LCOR: variants seen among roughly 807,000 people sequenced by gnomAD.
The protein encoded by LCOR is ligand dependent nuclear receptor corepressor.
In LCOR, 14 loss-of-function variants were observed where a neutral mutation model predicts 64.4. The ratio of observed to expected loss-of-function variants is 0.22; its 90% CI spans 0.14 to 0.34. LCOR has a LOEUF of 0.34. Among genes scored for constraint, LCOR ranks in the 10% least tolerant of loss-of-function variants. The pLI is 1.00. For synonymous variants in LCOR, 643 were observed against 642.5 expected, an observed-to-expected ratio of 1.00 and a Z score of -0.01; for missense variants, 1,686 against 1,765.3, an observed-to-expected ratio of 0.96 and a Z score of 0.80.
intron 2 of LCOR, among the ~76,000 whole-genome samples, chr10:96,866,649 C>T (rs1293701996): frequency 2.6e-5 from 4 of 152,152 alleles, no homozygotes; most frequent in East Asian, 1.9e-4. Flanking sequence ...GGCCCGATTT[C>T]GGCTCACTGC....
At chr10:96,873,567 CACACGTGTGTGTGTGTGTGTGTGTGT>C (rs1846108567) in intron 2 of LCOR, among the ~76,000 whole-genome samples, 1 of 118,402 alleles carries the variant, frequency 8.4e-6, no homozygotes, top group Non-Finnish European at 1.8e-5. Context: ...TACACACACA[CACACGTGTGTGTGTGTGTGTGTGTGT>C]GTGTGTGTGT....
At position 96,840,711 on chromosome 10, in the gene LCOR, G is replaced by GAGC. The variant is rs538483787; in HGVS notation, c.-330+7233_-330+7234insGCA. 1.8e-4 allele frequency among the ~76,000 whole-genome samples: 27 copies of GAGC among 152,278 alleles called. No individual in the cohort carries two copies. In the South Asian group the frequency reaches 2.7e-3, roughly 15 times the overall value. On this transcript the variant is annotated intron_variant, in intron 2 of 7. Coordinates refer to ENST00000421806, the MANE Select transcript of LCOR (RefSeq NM_001346516.2). ...ACCTGTCTAAAGGGACTTTTCTTTA[G>GAGC]ACTTTAAATGTTTTCTAGAGCTTAA...
chr10:96,889,539 C>G (rs12268216), intron 2 of LCOR, among the ~76,000 whole-genome samples: 1 of 152,062 alleles, frequency 6.6e-6, no homozygotes, highest in Admixed American at 6.6e-5. Flanking sequence ...CAAGTGATCT[C>G]GAGCGTGTGT....
intron 4 of LCOR, among the ~76,000 whole-genome samples, chr10:96,909,529 C>T (rs1846792408): frequency 6.6e-6 from 1 of 152,186 alleles, no homozygotes; most frequent in African/African-American, 2.4e-5. Flanking sequence ...TTGTTCCTTA[C>T]TACATTGTCA....
At chr10:96,894,172 A>G (rs576650399) in intron 2 of LCOR, among the ~76,000 whole-genome samples, 3 of 152,110 alleles carry the variant, frequency 2.0e-5, no homozygotes, top group South Asian at 4.2e-4. Flanking sequence ...GCTCACTGCA[A>G]CCTCCGCCTC....
rs569906236 is a variant in LCOR, at chr10:96,885,421, TC to T, written c.-329-21841del. Among the ~76,000 whole-genome samples, 66 of 152,160 alleles carry T rather than the reference TC, an allele frequency of 4.3e-4. No homozygotes were observed. In the South Asian group the frequency reaches 0.013, roughly 31 times the overall value. The stretch of plus-strand genomic sequence containing the variant: ...TTTTGAGACAGGCTTTCACTCTGTT[TC>T]CCAGGCTGGAGTGCAGTGGCATGAT... On this transcript the variant is annotated intron_variant, in intron 2 of 7. Transcript: ENST00000421806.
intron 4 of LCOR, among the ~76,000 whole-genome samples, chr10:96,932,668 T>G (rs1847282627): frequency 6.6e-6 from 1 of 152,074 alleles, no homozygotes; most frequent in African/African-American, 2.4e-5. Flanking sequence ...TTCACCATAT[T>G]GGCCAGGATG....
At chr10:96,849,032 CAG>C (rs1185566756) in intron 2 of LCOR, among the ~76,000 whole-genome samples, 2 of 79,104 alleles carry the variant, frequency 2.5e-5, no homozygotes, top group African/African-American at 4.0e-5. Flanking sequence ...TTTTTTGAGA[CAG>C]ATCCTCTCTG....
chr10:96,874,978 AT>A (rs1449798650), intron 2 of LCOR, among the ~76,000 whole-genome samples: 3 of 151,950 alleles, frequency 2.0e-5, no homozygotes, highest in Non-Finnish European at 4.4e-5. Flanking sequence ...ATTCTTTGAG[AT>A]TCCATCCAGA....
chr10:96,858,687 A>G (rs1300165481), intron 2 of LCOR, among the ~76,000 whole-genome samples: 2 of 152,132 alleles, frequency 1.3e-5, no homozygotes, highest in Non-Finnish European at 2.9e-5. Context: ...GGGAGGGGAA[A>G]ACTTTATGAA....
At chr10:96,903,634 A>G (rs1486526836) in intron 2 of LCOR, among the ~76,000 whole-genome samples, 1 of 152,196 alleles carries the variant, frequency 6.6e-6, no homozygotes, top group Non-Finnish European at 1.5e-5. Context: ...AGAACAGGCT[A>G]TATTGCTGAC....
At chr10:96,846,928 A>AGG (rs1322381773) in intron 2 of LCOR, among the ~76,000 whole-genome samples, 2 of 152,140 alleles carry the variant, frequency 1.3e-5, no homozygotes, top group Admixed American at 1.3e-4. Context: ...TGAAAGGTAA[A>AGG]GGTATGTAAG....
intron 4 of LCOR, among the ~76,000 whole-genome samples, chr10:96,914,025 T>G (rs898252429): frequency 6.6e-5 from 10 of 152,098 alleles, no homozygotes; most frequent in African/African-American, 2.4e-4. Context: ...AAGTAACCAG[T>G]GATATGGTTG....
At chr10:96,834,275 T>A (rs1371723423) in intron 2 of LCOR, among the ~76,000 whole-genome samples, 1 of 152,214 alleles carries the variant, frequency 6.6e-6, no homozygotes, top group African/African-American at 2.4e-5. Flanking sequence ...TTCAAACATA[T>A]GCTTGTGCAA....
intron 2 of LCOR, among the ~76,000 whole-genome samples, chr10:96,866,895 G>A (rs1845983697): frequency 6.6e-6 from 1 of 152,104 alleles, no homozygotes; most frequent in Non-Finnish European, 1.5e-5. Flanking sequence ...TCTTGAAAGA[G>A]GTTGTGCCAC....
rs191011014 is a variant in LCOR, at chr10:96,970,392, G to A, written c.333-10401G>A. 4.2e-3 allele frequency among the ~76,000 whole-genome samples: 635 copies of A among 151,850 alleles called. 6 individuals are homozygous for A. The highest frequency in any genetic ancestry group is 0.014 in the Middle Eastern group (4 of 294). ...AGCTTGGGCTACAGACTGAGACGCCGTCTCAAAAAATAAATAAATAAGAGT... is the reference window on the plus strand; with the variant it reads ...AGCTTGGGCTACAGACTGAGACGCCATCTCAAAAAATAAATAAATAAGAGT... On this transcript the variant is annotated intron_variant, in intron 7 of 7. Coordinates refer to ENST00000421806, the MANE Select transcript of LCOR (RefSeq NM_001346516.2).
chr10:96,856,461 C>A (rs1419875189), intron 2 of LCOR, among the ~76,000 whole-genome samples: 1 of 151,538 alleles, frequency 6.6e-6, no homozygotes, highest in Admixed American at 6.6e-5. Context: ...CCTACCTCCC[C>A]CCTCCCCCTT....
chr10:96,874,629 A>G (rs1364797281), intron 2 of LCOR, among the ~76,000 whole-genome samples: 1 of 151,776 alleles, frequency 6.6e-6, no homozygotes, highest in African/African-American at 2.4e-5. Context: ...AGAGTACCCT[A>G]TGACTAGAGT....
rs1264792779 is a variant in LCOR, at chr10:96,986,957, A to G, written c.*1823A>G. ...ACTTCTGATGATTGGATAAGACTGG[A>G]GAAAAGTATTTGATTTGTGAGAAAT... On this transcript the variant is annotated 3_prime_UTR_variant, in exon 8 of 8. Transcript: ENST00000421806. 6.6e-6 allele frequency: 1 copy of G among 152,234 alleles called. No homozygotes were observed. Among genetic ancestry groups the G allele is most frequent in the Non-Finnish European group, 1.5e-5 (1 of 68,044 alleles). The allele number at this position is 152,234 out of a possible 1,614,324, so 9.4% of individuals were successfully genotyped here. A position where few individuals can be genotyped will look rare whatever the true frequency, so the allele number is the denominator to read the frequency against.
Sources: gnomAD v4.1 joint callset for allele counts (sites outside exome capture counted in the v4.1 genomes callset) on GRCh38, gnomAD v4.1.1 for gene constraint, MANE v1.5 for transcripts, NCBI Gene and HGNC (gene_info 2026-07-23, HGNC 2026-07-21) for gene names.